The following HERC4 variants were observed in gnomAD, a reference collection of about 807,000 sequenced individuals.
HERC4 encodes HECT and RLD domain containing E3 ubiquitin protein ligase 4, also known as probable E3 ubiquitin-protein ligase HERC4.
Under a neutral mutation model 124.3 loss-of-function variants are expected in HERC4, and 28 were observed. The ratio of observed to expected loss-of-function variants is 0.23; its 90% CI spans 0.17 to 0.31. HERC4 has a LOEUF of 0.31. Among genes scored for constraint, HERC4 ranks in the 10% least tolerant of loss-of-function variants. The probability of loss-of-function intolerance (pLI) is 1.00; values close to 1 mark genes in which losing one functional copy is unlikely to be tolerated. For synonymous variants in HERC4, 407 were observed against 421.5 expected, an observed-to-expected ratio of 0.97 and a Z score of 0.42; for missense variants, 713 against 1,229.3, an observed-to-expected ratio of 0.58 and a Z score of 6.28.
chr10:68,009,221 T>C (rs992117025), intron 9 of HERC4, among the ~76,000 whole-genome samples: 3 of 148,946 alleles, frequency 2.0e-5, no homozygotes, highest in Non-Finnish European at 4.5e-5. Context: ...CAAGACTCTG[T>C]CTCATTAAAA....
At position 67,941,023 on chromosome 10, in the gene HERC4, T is replaced by C. The variant is rs770727449; in HGVS notation, c.2420A>G (p.His807Arg). Residue 807 changes from histidine to arginine, a missense_variant, in exon 20 of 25, where the codon CAT (histidine) becomes CGT (arginine). His to Arg is a conservative substitution (Grantham distance 29). Coordinates refer to ENST00000373700, the MANE Select transcript of HERC4 (RefSeq NM_015601.4). ...TTTCTTATATAAAGCCAAAGGAAAA[T>C]GGAGGTCCACAATGGTACAATTATA... Reference protein sequence around the residue: ...AIYNCTIVDLHFPLALYKKLL... With the variant: ...AIYNCTIVDLRFPLALYKKLL... 27 of 1,611,764 alleles carry C rather than the reference T, an allele frequency of 1.7e-5. No homozygotes were observed. Among genetic ancestry groups the C allele is most frequent in the Non-Finnish European group, 2.2e-5 (26 of 1,179,004 alleles).
intron 3 of HERC4, among the ~76,000 whole-genome samples, chr10:68,046,067 A>T (rs2039998024): frequency 6.6e-6 from 1 of 152,144 alleles, no homozygotes; most frequent in Non-Finnish European, 1.5e-5. Context: ...TATAGCTTTT[A>T]AAAAAGTATT....
intron 15 of HERC4, among the ~76,000 whole-genome samples, chr10:67,968,218 C>T (rs77831275): frequency 0.014 from 2,166 of 152,162 alleles, 53 homozygotes; most frequent in African/African-American, 0.049. Flanking sequence ...ATCCAGAGGA[C>T]GAAGCCCCAA....
chr10:68,004,683 G>C (rs1443864918), intron 9 of HERC4, among the ~76,000 whole-genome samples: 2 of 152,196 alleles, frequency 1.3e-5, no homozygotes, highest in Non-Finnish European at 2.9e-5. Flanking sequence ...AGCTGGGGTG[G>C]CCTCAGGAGA....
intron 15 of HERC4, among the ~76,000 whole-genome samples, chr10:67,978,939 A>G (rs1176569491): frequency 6.6e-6 from 1 of 152,212 alleles, no homozygotes; most frequent in Non-Finnish European, 1.5e-5. Context: ...ACTAAAGCAG[A>G]TACAGCTTCT....
intron 19 of HERC4, among the ~76,000 whole-genome samples, chr10:67,951,981 T>C (rs1270026349): frequency 2.0e-5 from 3 of 152,178 alleles, no homozygotes; most frequent in Non-Finnish European, 2.9e-5. Flanking sequence ...CCAACAATCT[T>C]GTTCTCCACC....
chr10:67,990,893 TA>T lies in HERC4; in HGVS notation c.1443+10del. ...AGATAATACTGTAAACATAATACTT[TA>T]AAAACAGACCTGCTGAGATATCTGC... On this transcript the variant is annotated intron_variant, in intron 13 of 24. Coordinates refer to ENST00000373700, the MANE Select transcript of HERC4 (RefSeq NM_015601.4). The T allele has an allele frequency of 6.5e-7, 1 of 1,541,242 alleles. No homozygotes were observed. The highest frequency in any genetic ancestry group is 8.9e-7 in the Non-Finnish European group (1 of 1,124,934).
chr10:67,959,893 T>C (rs1454546589), intron 16 of HERC4, among the ~76,000 whole-genome samples: 1 of 152,240 alleles, frequency 6.6e-6, no homozygotes, highest in Non-Finnish European at 1.5e-5. Flanking sequence ...ACCAGAATCT[T>C]CAGAAATATG....
intron 16 of HERC4, among the ~76,000 whole-genome samples, chr10:67,960,114 A>C (rs1354942829): frequency 2.0e-5 from 3 of 152,232 alleles, no homozygotes; most frequent in Non-Finnish European, 4.4e-5. Flanking sequence ...TGCTTCCAGA[A>C]GAGCTGGGAA....
chr10:67,926,780 C>T (rs929179812), intron 23 of HERC4, among the ~76,000 whole-genome samples: 4 of 152,206 alleles, frequency 2.6e-5, no homozygotes, highest in African/African-American at 9.6e-5. Flanking sequence ...TAGTAAGAGG[C>T]GTTCCCAGAT....
intron 16 of HERC4, chr10:67,965,190 G>A (rs1014525053): frequency 3.3e-5 from 5 of 152,102 alleles, no homozygotes; most frequent in African/African-American, 7.2e-5. Context: ...GCTGCTCCTT[G>A]TCATTCAGAT....
chr10:68,020,700 C>T (rs1169796519), intron 8 of HERC4, among the ~76,000 whole-genome samples: 4 of 147,768 alleles, frequency 2.7e-5, no homozygotes, highest in East Asian at 4.0e-4. Context: ...ACCCGGGAGG[C>T]GGAGCTTGCA....
chr10:67,954,936 A>G (rs765096885), intron 18 of HERC4, 27 bp downstream of exon 18: 16 of 1,574,860 alleles, frequency 1.0e-5, no homozygotes, highest in African/African-American at 4.2e-5. Context: ...AAAAGTCCCA[A>G]TTATACCACA....
In HERC4 at chr10:67,984,196, G is replaced by A. The variant is rs183086452; in HGVS notation, c.1806+4467C>T. ...CAGATGCCTGTAGTCCCAGCTACTC[G>A]GGAGGCTGAGGCAGAGAATTGCTTG... is the stretch of plus-strand genomic sequence containing the variant. On this transcript the variant is annotated intron_variant, in intron 15 of 24. Transcript: ENST00000373700. Among the ~76,000 whole-genome samples, 12 of 151,816 alleles carry A rather than the reference G, an allele frequency of 7.9e-5. No homozygotes were observed. In the East Asian group the frequency reaches 1.8e-3, roughly 22 times the overall value.
At chr10:67,986,203 T>A (rs899471740) in intron 15 of HERC4, among the ~76,000 whole-genome samples, 38 of 152,224 alleles carry the variant, frequency 2.5e-4, no homozygotes, top group African/African-American at 9.2e-4. Context: ...ACCAGTATCA[T>A]CCTGCTTTTG....
intron 15 of HERC4, among the ~76,000 whole-genome samples, chr10:67,984,175 T>G (rs954698638): frequency 6.6e-6 from 1 of 150,916 alleles, no homozygotes; most frequent in Admixed American, 6.6e-5. Flanking sequence ...TGGTGGCAGA[T>G]GCCTGTAGTC....
rs1465909817 is a variant in HERC4 at position 68,059,546 on chromosome 10, TATC to T, written c.226+13334_226+13336del. On this transcript the variant is annotated intron_variant, in intron 3 of 24. Transcript: ENST00000373700. ...TAATAATATTATATATCATATTATA[TATC>T]ATAATATATATCATAATATTATATA... Among the ~76,000 whole-genome samples, 99 of 104,460 alleles carry T rather than the reference TATC, an allele frequency of 9.5e-4. 9 individuals are homozygous for T. The highest frequency in any genetic ancestry group is 4.5e-3 in the Middle Eastern group (1 of 224). 68.5% of individuals were successfully genotyped at this position (104,460 alleles called of 152,430 possible).
chr10:67,974,844 T>C (rs1312305190), intron 15 of HERC4, among the ~76,000 whole-genome samples: 2 of 152,156 alleles, frequency 1.3e-5, no homozygotes, highest in African/African-American at 4.8e-5. Flanking sequence ...TCAGTATGCA[T>C]ATCGAGAAGG....
rs1265488434 is a variant in HERC4, at chr10:67,922,226, A to AG, written c.*704_*705insC. ...CAGAGTTCTTCCAGTACTAAATATT[A>AG]ATAAGTTCTCTGATCGACAATCCCC... On this transcript the variant is annotated 3_prime_UTR_variant, in exon 25 of 25. Coordinates refer to ENST00000373700, the MANE Select transcript of HERC4 (RefSeq NM_015601.4). 2.2e-4 allele frequency: 34 copies of AG among 152,310 alleles called. 1 individual carries two copies. Among genetic ancestry groups the AG allele is most frequent in the African/African-American group, 7.9e-4 (33 of 41,580 alleles). The allele number at this position is 152,310 out of a possible 1,614,324, so 9.4% of individuals were successfully genotyped here.
Sources: allele counts gnomAD v4.1 joint callset (sites outside exome capture counted in the v4.1 genomes callset), GRCh38; gene constraint gnomAD v4.1.1; transcripts MANE v1.5; gene names NCBI Gene and HGNC (gene_info 2026-07-23, HGNC 2026-07-21).